The following SEC31B variants were observed in gnomAD, a reference collection of about 807,000 sequenced individuals.
The protein encoded by SEC31B is SEC31 homolog B, COPII component.
A neutral mutation model predicts 135.0 loss-of-function variants in SEC31B; 113 were observed. That is an observed-to-expected ratio of 0.84 (90% CI 0.72 to 0.98). SEC31B has a LOEUF of 0.98. Ranked by LOEUF, SEC31B falls within the 50% of genes least tolerant of loss-of-function variation. SEC31B has a pLI of 0.00. For synonymous variants in SEC31B, 508 were observed against 549.4 expected, an observed-to-expected ratio of 0.92 and a Z score of 1.05; for missense variants, 1,296 against 1,421.1, an observed-to-expected ratio of 0.91 and a Z score of 1.42.
In SEC31B at chr10:100,489,192, C is replaced by T. The variant is rs1210406780; in HGVS notation, c.3171+60G>A. ...GAGGAATGAGGCCCATCTACCATGA[C>T]CTGCACCCAAGGAGGGCTGGAAGGT... is the stretch of plus-strand genomic sequence containing the variant. On this transcript the variant is annotated intron_variant, in intron 23 of 25. Transcript: ENST00000370345. The T allele has an allele frequency of 1.3e-5, 20 of 1,536,258 alleles. No homozygotes were observed. The South Asian group carries it at 1.8e-4, about 14-fold the overall frequency.
intron 19 of SEC31B, among the ~76,000 whole-genome samples, chr10:100,492,532 A>C (rs1851319786): frequency 6.6e-6 from 1 of 152,202 alleles, no homozygotes; most frequent in Non-Finnish European, 1.5e-5. Context: ...TATGTTCACT[A>C]TTCTTATTTA....
chr10:100,490,370 G>T (rs1851278435), intron 20 of SEC31B, 48 bp from the exon 21 acceptor site: 1 of 1,537,478 alleles, frequency 6.5e-7, no homozygotes, highest in South Asian at 1.2e-5. Context: ...TTCATTTCAG[G>T]AGCAACTCAG....
intron 10 of SEC31B, 38 bp downstream of exon 10, chr10:100,505,322 AC>A: frequency 9.3e-6 from 15 of 1,604,918 alleles, no homozygotes; most frequent in Admixed American, 6.8e-5. Context: ...ACACACACAC[AC>A]ACAAACACAC....
intron 13 of SEC31B, 83 bp from the exon 14 acceptor site, chr10:100,498,887 A>G (rs1851464820): frequency 9.1e-7 from 1 of 1,094,168 alleles, no homozygotes; most frequent in South Asian, 1.3e-5. Context: ...TGAGAGCTCT[A>G]CTATTTGGCC....
intron 3 of SEC31B, among the ~76,000 whole-genome samples, chr10:100,512,871 G>A (rs549158052): frequency 6.6e-6 from 1 of 152,280 alleles, no homozygotes; most frequent in South Asian, 2.1e-4. Context: ...TTATACATAA[G>A]TGAGGGAACC....
intron 17 of SEC31B, 21 bp downstream of exon 17, chr10:100,497,114 T>C (rs1276901553): frequency 3.7e-6 from 6 of 1,613,598 alleles, no homozygotes; most frequent in Non-Finnish European, 4.2e-6. Flanking sequence ...GAGTGGCCAG[T>C]ACCCTGCAGA....
In SEC31B at chr10:100,488,063, A is replaced by G; in HGVS notation, c.3324T>C (p.Arg1108=). The stretch of plus-strand genomic sequence containing the variant: ...AGAGCTTCTCATATAGATACTCCAG[A>G]CGCTGGGCTGCCTCTTCCAGCTTCC... ...TKRKLEEAAQ[R]LEYLYEKLCE... is the part of the protein sequence containing the mutation. Residue 1108 remains arginine (R), a synonymous_variant, in exon 25 of 26, where the codon CGT becomes CGC. Coordinates refer to ENST00000370345, the MANE Select transcript of SEC31B (RefSeq NM_015490.4). 3 of 1,614,150 alleles carry G rather than the reference A, an allele frequency of 1.9e-6. No homozygotes were observed. Among genetic ancestry groups the G allele is most frequent in the Non-Finnish European group, 2.5e-6 (3 of 1,180,024 alleles).
At chr10:100,491,870 G>A (rs1851306278) in intron 19 of SEC31B, among the ~76,000 whole-genome samples, 3 of 152,224 alleles carry the variant, frequency 2.0e-5, no homozygotes, top group Admixed American at 6.5e-5. Flanking sequence ...TGACTTGCAG[G>A]AGTGGGTTTG....
chr10:100,515,910 G>T (rs1222447406), intron 3 of SEC31B, among the ~76,000 whole-genome samples, 186 bp downstream of exon 3: 1 of 145,176 alleles, frequency 6.9e-6, no homozygotes, highest in Non-Finnish European at 1.6e-5. Flanking sequence ...GCTGCTGACT[G>T]GAAAGGGGGG....
chr10:100,500,810 T>C (rs562655423), intron 11 of SEC31B, among the ~76,000 whole-genome samples: 1 of 152,332 alleles, frequency 6.6e-6, no homozygotes, highest in South Asian at 2.1e-4. Flanking sequence ...ACCTTTCTCA[T>C]AGTCTCTCTG....
At chr10:100,514,079 G>T (rs1478041346) in intron 3 of SEC31B, among the ~76,000 whole-genome samples, 2 of 151,990 alleles carry the variant, frequency 1.3e-5, no homozygotes, top group East Asian at 3.9e-4. Context: ...CAGCTACTCG[G>T]GAGGCTGAGG....
At chr10:100,507,380 T>C in intron 7 of SEC31B, 45 bp downstream of exon 7, 1 of 1,613,400 alleles carries the variant, frequency 6.2e-7, no homozygotes. Flanking sequence ...AGCCCAGTTA[T>C]ATCCACCATC....
chr10:100,495,296 A>T, intron 19 of SEC31B, 89 bp downstream of exon 19: 1 of 1,177,262 alleles, frequency 8.5e-7, no homozygotes, highest in Non-Finnish European at 1.2e-6. Flanking sequence ...AATTTTCATC[A>T]GTTTTGTTCA....
intron 1 of SEC31B, among the ~76,000 whole-genome samples, chr10:100,519,302 G>A (rs1448233793): frequency 6.6e-6 from 1 of 152,262 alleles, no homozygotes; most frequent in East Asian, 1.9e-4. Flanking sequence ...GGGCGTGAGG[G>A]GGAGATGACC....
intron 11 of SEC31B, 60 bp from the exon 12 acceptor site, chr10:100,499,658 TACA>T (rs1439503427): frequency 1.3e-5 from 17 of 1,263,788 alleles, no homozygotes; most frequent in East Asian, 2.3e-5. Flanking sequence ...ACGCTCTTCC[TACA>T]ACAAGCTGGG....
chr10:100,493,111 T>C (rs1334739359), intron 19 of SEC31B, among the ~76,000 whole-genome samples: 3 of 152,142 alleles, frequency 2.0e-5, no homozygotes, highest in Admixed American at 1.3e-4. Flanking sequence ...CGGTGGCTCA[T>C]GCCTATAATC....
Position 100,489,768 on chromosome 10 carries a change from A to G in SEC31B, c.2966-7T>C, listed in dbSNP as rs894429608. ...TTCCAGGAATCTTGAGGTCCTATAGAATAAAAAGATAGAGGTTTTTCGGCG... is the reference window on the plus strand; with the variant it reads ...TTCCAGGAATCTTGAGGTCCTATAGGATAAAAAGATAGAGGTTTTTCGGCG... On this transcript the variant is annotated splice_region_variant and splice_polypyrimidine_tract_variant and intron_variant, in intron 21 of 25. Transcript: ENST00000370345. 2 of 1,613,862 alleles carry G rather than the reference A, an allele frequency of 1.2e-6. No homozygotes were observed. The highest frequency in any genetic ancestry group is 2.2e-5 in the East Asian group (1 of 44,868).
chr10:100,499,254 G>A lies in SEC31B; in HGVS notation c.1490C>T (p.Ala497Val). The A allele has an allele frequency of 6.2e-7, 1 of 1,611,024 alleles. No homozygotes were observed. The highest frequency in any genetic ancestry group is 8.5e-7 in the Non-Finnish European group (1 of 1,178,476). Residue 497 changes from alanine (A) to valine (V), a missense_variant, in exon 13 of 26, where the codon GCC (alanine) becomes GTC (valine). Transcript: ENST00000370345. ...YSKDELQKKV[A>V]TWLKSDVGLG... ...CCCCACGTCACTCTTCAACCATGTG[G>A]CCACCTGCAGGGAGAGACCTCTGAA...
Position 100,497,214 on chromosome 10 carries a change from T to A in SEC31B, c.2057A>T (p.Tyr686Phe). The A allele has an allele frequency of 6.2e-7, 1 of 1,614,202 alleles. No individual in the cohort carries two copies. Among genetic ancestry groups the A allele is most frequent in the Non-Finnish European group, 8.5e-7 (1 of 1,180,040 alleles). ...CCGCTCCACACTCCCTGAGCACACA[T>A]AACAGAGTCTGGCTTCGGAGGTTAG... ...RALTSEARLC[Y>F]VCSGSVERLV... Residue 686 changes from tyrosine (Y) to phenylalanine (F), a missense_variant, in exon 17 of 26, where the codon TAT becomes TTT. Tyr to Phe is a conservative substitution (Grantham distance 22, BLOSUM62 3). Coordinates refer to ENST00000370345, the MANE Select transcript of SEC31B (RefSeq NM_015490.4).
Sources: allele counts gnomAD v4.1 joint callset (sites outside exome capture counted in the v4.1 genomes callset), GRCh38; gene constraint gnomAD v4.1.1; transcripts MANE v1.5; gene names NCBI Gene and HGNC (gene_info 2026-07-23, HGNC 2026-07-21).